The following CD99 variants were observed in gnomAD, a reference collection of about 807,000 sequenced individuals.
CD99 encodes the protein CD99 antigen.
A neutral mutation model predicts 28.4 loss-of-function variants in CD99; 19 were observed. The ratio of observed to expected loss-of-function variants is 0.67; its 90% confidence interval spans 0.47 to 0.98. The LOEUF is 0.98. Ranked by LOEUF, CD99 falls within the 50% of genes least tolerant of loss-of-function variation. The probability of loss-of-function intolerance (pLI) is 0.00; values close to 1 mark genes in which losing one functional copy is unlikely to be tolerated. For synonymous variants in CD99, 103 were observed against 92.1 expected (o/e 1.12, Z -0.67); for missense variants, 283 against 248.8 (o/e 1.14, Z -0.92).
At chrX:2,692,916 A>G (rs757651747) in intron 1 of CD99, among the ~76,000 whole-genome samples, 13 of 152,318 alleles carry the variant, frequency 8.5e-5, no homozygotes, top group African/African-American at 3.1e-4. Context: ...GCATCTGAAC[A>G]GGCAGACGGG....
chrX:2,699,557 G>A (rs2047748321), intron 1 of CD99, among the ~76,000 whole-genome samples: 1 of 149,220 alleles, frequency 6.7e-6, no homozygotes, highest in Non-Finnish European at 1.5e-5. Flanking sequence ...TGCAACCTCT[G>A]CCACCCAGGT....
intron 7 of CD99, 123 bp downstream of exon 7, chrX:2,723,487 C>T (rs184520828): frequency 4.9e-4 from 562 of 1,136,408 alleles, no homozygotes; most frequent in Middle Eastern, 1.7e-3. Context: ...GCAGGAGGCA[C>T]GGGTGTTCTG....
intron 1 of CD99, among the ~76,000 whole-genome samples, chrX:2,699,602 G>A (rs1425043785): frequency 5.3e-5 from 8 of 151,690 alleles, no homozygotes; most frequent in Admixed American, 1.3e-4. Context: ...TCCCTCAGGC[G>A]TGAGCTGGCA....
At chrX:2,713,398 C>T (rs1603274830) in intron 1 of CD99, among the ~76,000 whole-genome samples, 8 of 126,178 alleles carry the variant, frequency 6.3e-5, no homozygotes, top group Admixed American at 5.2e-4. Context: ...TACACAAACC[C>T]ACACATACAT....
intron 5 of CD99, among the ~76,000 whole-genome samples, chrX:2,720,960 T>C (rs1421684074): frequency 1.3e-5 from 2 of 152,160 alleles, no homozygotes; most frequent in Non-Finnish European, 2.9e-5. Flanking sequence ...TTCCATCTTA[T>C]GGAACTTCTA....
At chrX:2,698,394 C>T (rs2047677989) in intron 1 of CD99, among the ~76,000 whole-genome samples, 1 of 151,238 alleles carries the variant, frequency 6.6e-6, no homozygotes, top group African/African-American at 2.4e-5. Flanking sequence ...GTCTTGAACT[C>T]CTGGGCTCAA....
intron 8 of CD99, among the ~76,000 whole-genome samples, chrX:2,737,045 G>A (rs1240270083): frequency 6.6e-6 from 1 of 152,078 alleles, no homozygotes; most frequent in South Asian, 2.1e-4. Flanking sequence ...TTCTGAGGGA[G>A]GTAGAAGGGG....
Position 2,734,729 on chromosome X carries a change from C to T in CD99, c.476-3471C>T, listed in dbSNP as rs150107316. Among the ~76,000 whole-genome samples the T allele has an allele frequency of 9.4e-3, 1,361 of 145,284 alleles. 27 individuals are homozygous for T. Among genetic ancestry groups the T allele is most frequent in the African/African-American group, 0.031 (1,209 of 39,340 alleles). On this transcript the variant is annotated intron_variant, in intron 8 of 9. Transcript: ENST00000381192. ...CTTTTTTTTACTTTTATTTCTTCTC[C>T]GTTTTTCCTCATTCTTTTCCTCTTA...
intron 7 of CD99, 159 bp downstream of exon 7, chrX:2,723,523 C>A: frequency 1.3e-6 from 1 of 771,114 alleles, no homozygotes; most frequent in East Asian, 2.5e-5. Context: ...AGTGATGTAG[C>A]TGCAGAGGTC....
intron 1 of CD99, among the ~76,000 whole-genome samples, chrX:2,706,172 C>A (rs891220834): frequency 7.1e-4 from 108 of 151,994 alleles, no homozygotes; most frequent in East Asian, 2.1e-3. Flanking sequence ...ATCCTGGCTA[C>A]CACGGTGAAA....
intron 1 of CD99, 68 bp from the exon 2 acceptor site, chrX:2,714,354 A>G: frequency 2.8e-6 from 3 of 1,083,810 alleles, no homozygotes; most frequent in Non-Finnish European, 4.1e-6. Flanking sequence ...TATCTTTTTT[A>G]TCTCTATAAT....
At chrX:2,693,000 G>C (rs2047402404) in intron 1 of CD99, among the ~76,000 whole-genome samples, 1 of 152,196 alleles carries the variant, frequency 6.6e-6, no homozygotes, top group South Asian at 2.1e-4. Context: ...ATCTTGGTGA[G>C]GGGCTTGGCT....
At chrX:2,733,219 C>T (rs1417143951) in intron 8 of CD99, 2 of 872,312 alleles carry the variant, frequency 2.3e-6, no homozygotes, top group Non-Finnish European at 3.7e-6. Context: ...GAGCCTCTAT[C>T]CCATTACTTC....
At chrX:2,705,800 C>A (rs2048085263) in intron 1 of CD99, among the ~76,000 whole-genome samples, 2 of 152,070 alleles carry the variant, frequency 1.3e-5, no homozygotes, top group African/African-American at 4.8e-5. Flanking sequence ...CAGAGCGATT[C>A]GGTTTTATAG....
chrX:2,727,387 TC>T, intron 8 of CD99: 1 of 772,504 alleles, frequency 1.3e-6, no homozygotes, highest in Non-Finnish European at 2.4e-6. Flanking sequence ...CGTGCATGCA[TC>T]ACTGGGCACT....
intron 9 of CD99, among the ~76,000 whole-genome samples, 199 bp from the exon 10 acceptor site, chrX:2,740,580 T>C (rs1275331086): frequency 1.8e-5 from 2 of 113,928 alleles, no homozygotes; most frequent in Non-Finnish European, 4.0e-5. Flanking sequence ...GCAGCATCCA[T>C]TTTTTTTAAT....
chrX:2,736,827 A>C (rs2049966400), intron 8 of CD99, among the ~76,000 whole-genome samples: 1 of 152,042 alleles, frequency 6.6e-6, no homozygotes, highest in Non-Finnish European at 1.5e-5. Context: ...ACTGCACTCC[A>C]GCCTGGGCGA....
In CD99 at chrX:2,711,042, T is replaced by C. The variant is rs186708898; in HGVS notation, c.68-3380T>C. 8.0e-3 allele frequency among the ~76,000 whole-genome samples: 1,198 copies of C among 150,542 alleles called. 13 individuals are homozygous for C. Among genetic ancestry groups the C allele is most frequent in the African/African-American group, 0.028 (1,144 of 41,080 alleles). On this transcript the variant is annotated intron_variant, in intron 1 of 9. Transcript: ENST00000381192. Reference sequence around the variant, plus strand: ...CATATCACCACGCCTGGCCAATTTTTTTGTATTTATAGTAGAGACGGGGTT... The same window carrying C: ...CATATCACCACGCCTGGCCAATTTTCTTGTATTTATAGTAGAGACGGGGTT...
At position 2,730,789 on chromosome X, in the gene CD99, C is replaced by T. The variant is rs1435297366; in HGVS notation, c.475+4416C>T. Reference sequence around the variant, plus strand: ...ACTAAAAATACAAGAATTAGCTGTGCGTGATGGTGGGCACCTGTAATATCC... The same window carrying T: ...ACTAAAAATACAAGAATTAGCTGTGTGTGATGGTGGGCACCTGTAATATCC... On this transcript the variant is annotated intron_variant, in intron 8 of 9. Coordinates refer to ENST00000381192, the MANE Select transcript of CD99 (RefSeq NM_002414.5). Among the ~76,000 whole-genome samples the T allele has an allele frequency of 6.6e-5, 10 of 152,006 alleles. No individual in the cohort carries two copies. The East Asian group carries it at 7.8e-4, about 12-fold the overall frequency.
Sources: gnomAD v4.1 joint callset for allele counts (sites outside exome capture counted in the v4.1 genomes callset) on GRCh38, gnomAD v4.1.1 for gene constraint, MANE v1.5 for transcripts, NCBI Gene and HGNC (gene_info 2026-07-23, HGNC 2026-07-21) for gene names.